Variants in BCR observed in about 807,000 individuals in gnomAD.
BCR encodes the protein BCR activator of RhoGEF and GTPase.
BCR carries 58 observed loss-of-function variants against 138.6 expected under a neutral mutation model. The ratio of observed to expected loss-of-function variants is 0.42; its 90% CI spans 0.34 to 0.52. The LOEUF (loss-of-function observed/expected upper bound fraction) is 0.52. Among genes scored for constraint, BCR ranks in the 20% least tolerant of loss-of-function variants. The probability of loss-of-function intolerance (pLI) is 0.06; values close to 1 mark genes in which losing one functional copy is unlikely to be tolerated. For missense variants in BCR, 1,599 were observed against 1,727.2 expected (o/e 0.93, Z 1.32); for synonymous variants, 786 against 730.1 (o/e 1.08, Z -1.23).
chr22:23,246,357 A>G (rs1392288756), intron 1 of BCR, among the ~76,000 whole-genome samples: 1 of 152,234 alleles, frequency 6.6e-6, no homozygotes, highest in Non-Finnish European at 1.5e-5. Flanking sequence ...ACGTGAGCCC[A>G]GGAGTTCGAG....
chr22:23,196,736 A>G (rs1602002562), intron 1 of BCR, among the ~76,000 whole-genome samples: 1 of 152,300 alleles, frequency 6.6e-6, no homozygotes. Context: ...ATAAGCCACA[A>G]TAGGGCTTCT....
chr22:23,294,073 A>G (rs973305451), intron 15 of BCR, among the ~76,000 whole-genome samples: 2 of 152,168 alleles, frequency 1.3e-5, no homozygotes, highest in African/African-American at 2.4e-5. Context: ...CCTTTTAGAT[A>G]TAATTCATTT....
At chr22:23,198,099 G>A (rs1159531404) in intron 1 of BCR, among the ~76,000 whole-genome samples, 3 of 152,150 alleles carry the variant, frequency 2.0e-5, no homozygotes, top group Non-Finnish European at 4.4e-5. Context: ...GTTGCGGAAA[G>A]GCTAAAAGGA....
intron 8 of BCR, among the ~76,000 whole-genome samples, chr22:23,279,730 CTG>C (rs2073621206): frequency 6.6e-6 from 1 of 152,262 alleles, no homozygotes; most frequent in South Asian, 2.1e-4. Context: ...GATGATCAGA[CTG>C]TAGTTCGTGT....
chr22:23,208,274 G>C (rs1404144030), intron 1 of BCR, among the ~76,000 whole-genome samples: 1 of 152,126 alleles, frequency 6.6e-6, no homozygotes, highest in Non-Finnish European at 1.5e-5. Flanking sequence ...CGAGGGCCTT[G>C]TCCCTTTCAC....
chr22:23,220,818 C>A (rs1023887847), intron 1 of BCR, among the ~76,000 whole-genome samples: 16 of 152,188 alleles, frequency 1.1e-4, no homozygotes, highest in African/African-American at 3.9e-4. Context: ...AGAGAGCAGC[C>A]AGTTTGCACT....
chr22:23,242,809 C>T (rs1473087921), intron 1 of BCR: 2 of 453,100 alleles, frequency 4.4e-6, no homozygotes, highest in Non-Finnish European at 8.9e-6. Flanking sequence ...AACATTTATT[C>T]TCTCCCAGTT....
At chr22:23,273,022 C>A (rs768631217) in intron 6 of BCR, 59 bp from the exon 7 acceptor site, 4 of 1,581,556 alleles carry the variant, frequency 2.5e-6, no homozygotes, top group Non-Finnish European at 3.5e-6. Context: ...CGAGGGTGGT[C>A]AGGCAGCTGG....
At chr22:23,315,133 A>G (rs376310452) in intron 22 of BCR, among the ~76,000 whole-genome samples, 48 of 152,238 alleles carry the variant, frequency 3.2e-4, no homozygotes, top group East Asian at 5.8e-4. Flanking sequence ...CTGACACAGG[A>G]GGATTTCTTG....
chr22:23,292,849 CAAAG>C (rs1390220685), intron 15 of BCR, among the ~76,000 whole-genome samples: 4 of 152,230 alleles, frequency 2.6e-5, no homozygotes, highest in African/African-American at 4.8e-5. Context: ...CCTGTCATCA[CAAAG>C]AAGCCACCTA....
At chr22:23,209,731 A>G (rs141998496) in intron 1 of BCR, among the ~76,000 whole-genome samples, 10,240 of 151,684 alleles carry the variant, frequency 0.068, 1,154 homozygotes, top group African/African-American at 0.23. Context: ...TTTCAGTAGA[A>G]ACGGGGTTTC....
chr22:23,241,774 C>A (rs942216634), intron 1 of BCR, among the ~76,000 whole-genome samples: 11 of 152,186 alleles, frequency 7.2e-5, no homozygotes, highest in Non-Finnish European at 1.6e-4. Flanking sequence ...AGCCCCCAGC[C>A]CTGCCCCACC....
At chr22:23,210,620 G>C (rs1452709770) in intron 1 of BCR, among the ~76,000 whole-genome samples, 1 of 152,064 alleles carries the variant, frequency 6.6e-6, no homozygotes, top group Non-Finnish European at 1.5e-5. Flanking sequence ...CCAGAAACTT[G>C]CATTACCCCT....
chr22:23,260,893 G>A (rs2073349259), intron 2 of BCR, 57 bp from the exon 3 acceptor site: 2 of 1,513,596 alleles, frequency 1.3e-6, no homozygotes, highest in African/African-American at 1.4e-5. Context: ...AGAGGGCCCT[G>A]ATGGAAGAAT....
rs6003592 is a variant in BCR at position 23,261,557 on chromosome 22, C to G, written c.1752+17C>G. On this transcript the variant is annotated intron_variant, in intron 4 of 22. Coordinates refer to ENST00000305877, the MANE Select transcript of BCR (RefSeq NM_004327.4). ...CAGAAGCTGGTGAGTAACCCAGGGC[C>G]GGTGCTGGGACTACAGGCGTGTACC... 6.2e-7 allele frequency: 1 copy of G among 1,609,208 alleles called. No homozygotes were observed. Among genetic ancestry groups the G allele is most frequent in the Non-Finnish European group, 8.5e-7 (1 of 1,179,844 alleles).
intron 1 of BCR, among the ~76,000 whole-genome samples, chr22:23,227,638 C>A (rs2072909780): frequency 6.6e-6 from 1 of 152,232 alleles, no homozygotes; most frequent in South Asian, 2.1e-4. Flanking sequence ...TCTAGGAGAT[C>A]TTGTGACCTT....
chr22:23,218,976 G>A (rs6003569), intron 1 of BCR, among the ~76,000 whole-genome samples: 10,653 of 151,892 alleles, frequency 0.07, 1,273 homozygotes, highest in African/African-American at 0.24. Context: ...AGCTGGTGCC[G>A]GGTGAGGAGG....
intron 8 of BCR, among the ~76,000 whole-genome samples, chr22:23,281,068 A>G (rs1046891707): frequency 6.6e-6 from 1 of 152,214 alleles, no homozygotes; most frequent in African/African-American, 2.4e-5. Flanking sequence ...ACGCTCAGGC[A>G]CTCACACTCA....
intron 4 of BCR, among the ~76,000 whole-genome samples, chr22:23,266,880 T>C (rs1361448687): frequency 2.0e-5 from 3 of 152,170 alleles, no homozygotes; most frequent in Non-Finnish European, 4.4e-5. Flanking sequence ...ACCTGGAAGA[T>C]GTGAGCTCCT....
Sources: allele counts gnomAD v4.1 joint callset (sites outside exome capture counted in the v4.1 genomes callset), GRCh38; gene constraint gnomAD v4.1.1; transcripts MANE v1.5; gene names NCBI Gene and HGNC (gene_info 2026-07-23, HGNC 2026-07-21).